The following TRIP4 variants were observed in gnomAD, a reference collection of about 807,000 sequenced individuals.
The protein encoded by TRIP4 is activating signal cointegrator 1.
Under a neutral mutation model 81.8 loss-of-function variants are expected in TRIP4, and 54 were observed. That is an observed-to-expected ratio of 0.66 (90% CI 0.53 to 0.83). The LOEUF (loss-of-function observed/expected upper bound fraction) is 0.83, where lower values mean the gene tolerates loss of function less well. Among genes scored for constraint, TRIP4 ranks in the 40% least tolerant of loss-of-function variants. The probability of loss-of-function intolerance (pLI) is 0.00; values close to 1 mark genes in which losing one functional copy is unlikely to be tolerated. For missense variants in TRIP4, 662 were observed against 683.6 expected (o/e 0.97, Z 0.35); for synonymous variants, 270 against 242.8 (o/e 1.11, Z -1.04).
At chr15:64,438,852 T>C (rs745684128) in intron 11 of TRIP4, among the ~76,000 whole-genome samples, 1 of 152,182 alleles carries the variant, frequency 6.6e-6, no homozygotes, top group Non-Finnish European at 1.5e-5. Context: ...GAGACCTGGT[T>C]GTAGCTGCTT....
chr15:64,437,548 A>T (rs1376795586), intron 11 of TRIP4, among the ~76,000 whole-genome samples: 1 of 149,854 alleles, frequency 6.7e-6, no homozygotes, highest in African/African-American at 2.5e-5. Flanking sequence ...GCTAGGGTGC[A>T]CTGGTGCGAT....
chr15:64,414,045 A>G, intron 7 of TRIP4, 40 bp from the exon 8 acceptor site: 3 of 1,608,750 alleles, frequency 1.9e-6, no homozygotes, highest in Non-Finnish European at 2.6e-6. Context: ...TGAGCATAGA[A>G]CATTACCAAT....
intron 12 of TRIP4, among the ~76,000 whole-genome samples, chr15:64,454,622 C>T (rs937619243): frequency 1.3e-5 from 2 of 152,278 alleles, no homozygotes; most frequent in South Asian, 4.1e-4. Flanking sequence ...AGCCAGTTAA[C>T]AGGTCACAGG....
chr15:64,439,649 G>A (rs1312612588), intron 11 of TRIP4, among the ~76,000 whole-genome samples: 7 of 148,386 alleles, frequency 4.7e-5, no homozygotes, highest in South Asian at 2.2e-4. Flanking sequence ...TCAGCCTCCC[G>A]AGTGGCTGGG....
At chr15:64,445,218 G>A in intron 12 of TRIP4, 110 bp downstream of exon 12, 3 of 568,224 alleles carry the variant, frequency 5.3e-6, no homozygotes, top group Non-Finnish European at 6.3e-6. Context: ...AATCAGTTGA[G>A]GTAACCCACT....
chr15:64,390,914 A>T (rs1900108601), intron 1 of TRIP4, among the ~76,000 whole-genome samples: 1 of 151,770 alleles, frequency 6.6e-6, no homozygotes, highest in Non-Finnish European at 1.5e-5. Flanking sequence ...AAAAAATTAT[A>T]TTCCGCCTGG....
rs144292587 is a variant in TRIP4 at position 64,395,431 on chromosome 15, T to A, written c.305T>A (p.Leu102Gln). Residue 102 changes from leucine (L) to glutamine (Q), a missense_variant, in exon 3 of 13, where the codon CTA (leucine) becomes CAA (glutamine). Leu to Gln is a moderately radical substitution (Grantham distance 113, BLOSUM62 -2). Transcript: ENST00000261884. ...ILDGQKSGDH[L>Q]KRGRKKGRNR... Reference sequence around the variant, plus strand: ...GATGGGCAGAAATCAGGCGACCATCTAAAGCGGGGTAGGAAGAAAGGGAGA... The same window carrying A: ...GATGGGCAGAAATCAGGCGACCATCAAAAGCGGGGTAGGAAGAAAGGGAGA... The A allele has an allele frequency of 2.0e-5, 32 of 1,613,456 alleles. No homozygotes were observed. The African/African-American group carries it at 4.1e-4, about 21-fold the overall frequency.
rs1309799943 is a variant in TRIP4, at chr15:64,424,740, T to C, written c.1483+585T>C. ...TAAGAAACAAGGCTTAAAGAATCAC[T>C]AGGAATAAAAAGTTCATGCTTCCTT... On this transcript the variant is annotated intron_variant, in intron 10 of 12. Transcript: ENST00000261884. 3.3e-5 allele frequency among the ~76,000 whole-genome samples: 5 copies of C among 152,224 alleles called. No individual in the cohort carries two copies. In the East Asian group the frequency reaches 9.6e-4, roughly 29 times the overall value.
At chr15:64,426,082 G>A (rs1892135626) in intron 11 of TRIP4, among the ~76,000 whole-genome samples, 2 of 151,324 alleles carry the variant, frequency 1.3e-5, no homozygotes, top group Non-Finnish European at 2.9e-5. Flanking sequence ...GATTCCTTCT[G>A]GGGGAAAAAA....
At chr15:64,446,154 A>C (rs1596363990) in intron 12 of TRIP4, among the ~76,000 whole-genome samples, 1 of 151,622 alleles carries the variant, frequency 6.6e-6, no homozygotes, top group African/African-American at 2.4e-5. Flanking sequence ...GGCACCTGTA[A>C]TCCCAGCTAC....
At position 64,425,553 on chromosome 15, in the gene TRIP4, T is replaced by G; in HGVS notation, c.1497T>G (p.Pro499=). The part of the protein sequence containing the change: ...RLLRGKDVEF[P]NDYPSGCLLG... ...TTCCTGATTCAGATGTGGAATTTCC[T>G]AATGACTATCCGTCAGGTTGTCTTC... Residue 499 remains proline (P), a synonymous_variant, in exon 11 of 13, where the codon CCT becomes CCG. Coordinates refer to ENST00000261884, the MANE Select transcript of TRIP4 (RefSeq NM_016213.5). The G allele has an allele frequency of 6.2e-7, 1 of 1,610,284 alleles. No individual in the cohort carries two copies. Among genetic ancestry groups the G allele is most frequent in the African/African-American group, 1.3e-5 (1 of 74,822 alleles).
chr15:64,389,708 CTT>C (rs368526429), intron 1 of TRIP4, among the ~76,000 whole-genome samples: 236 of 127,246 alleles, frequency 1.9e-3, no homozygotes, highest in African/African-American at 5.8e-3. Context: ...AAAATTTTCA[CTT>C]TTTTTTTTTT....
chr15:64,393,747 C>A, intron 1 of TRIP4, 199 bp from the exon 2 acceptor site: 1 of 386,142 alleles, frequency 2.6e-6, no homozygotes, highest in Non-Finnish European at 4.5e-6. Context: ...TGTTTTTTTC[C>A]TACACATAAG....
At chr15:64,431,045 G>A (rs759052994) in intron 11 of TRIP4, among the ~76,000 whole-genome samples, 2 of 152,058 alleles carry the variant, frequency 1.3e-5, no homozygotes, top group African/African-American at 4.8e-5. Flanking sequence ...GTATCACTTC[G>A]TTTGTGGAAA....
chr15:64,392,542 A>C (rs1436827945), intron 1 of TRIP4, among the ~76,000 whole-genome samples: 1 of 152,002 alleles, frequency 6.6e-6, no homozygotes, highest in Admixed American at 6.6e-5. Context: ...CATGTTGGCC[A>C]AGCTGGTCTC....
At chr15:64,444,714 G>A (rs929066773) in intron 11 of TRIP4, 17 of 152,468 alleles carry the variant, frequency 1.1e-4, no homozygotes, top group South Asian at 2.3e-4. Flanking sequence ...AGAGCATTCC[G>A]TTCTGATTCT....
chr15:64,399,659 G>A (rs1891443076), intron 4 of TRIP4, among the ~76,000 whole-genome samples: 1 of 151,876 alleles, frequency 6.6e-6, no homozygotes, highest in South Asian at 2.1e-4. Context: ...CCACTACCAC[G>A]CCCAGCTAAT....
chr15:64,408,180 C>T (rs1441372261), intron 6 of TRIP4, among the ~76,000 whole-genome samples: 3 of 130,172 alleles, frequency 2.3e-5, no homozygotes, highest in East Asian at 2.3e-4. Flanking sequence ...TTTTTTGATC[C>T]GCCAGCCTCG....
At chr15:64,452,470 A>C (rs1892792272) in intron 12 of TRIP4, among the ~76,000 whole-genome samples, 1 of 152,234 alleles carries the variant, frequency 6.6e-6, no homozygotes, top group African/African-American at 2.4e-5. Flanking sequence ...TTCTGGTCCC[A>C]AGCATTTTAG....
Sources: gnomAD v4.1 joint callset for allele counts (sites outside exome capture counted in the v4.1 genomes callset) on GRCh38, gnomAD v4.1.1 for gene constraint, MANE v1.5 for transcripts, NCBI Gene and HGNC (gene_info 2026-07-23, HGNC 2026-07-21) for gene names.